ADAM10: variants seen among roughly 807,000 people sequenced by gnomAD.
ADAM10 encodes the protein ADAM metallopeptidase domain 10, also known as disintegrin and metalloproteinase domain-containing protein 10.
ADAM10 carries 17 observed loss-of-function variants against 90.1 expected under a neutral mutation model. That is an observed-to-expected ratio of 0.19 (90% CI 0.13 to 0.28). The LOEUF (loss-of-function observed/expected upper bound fraction) is 0.28, where lower values mean the gene tolerates loss of function less well. Ranked by LOEUF, ADAM10 falls within the 10% of genes least tolerant of loss-of-function variation. The pLI, the probability that ADAM10 is intolerant of heterozygous loss-of-function variation, is 1.00. For missense variants in ADAM10, 610 were observed against 914.3 expected (o/e 0.67, Z 4.29); for synonymous variants, 310 against 298.6 (o/e 1.04, Z -0.40).
chr15:58,709,378 C>T (rs1225073841), intron 2 of ADAM10, among the ~76,000 whole-genome samples: 1 of 152,128 alleles, frequency 6.6e-6, no homozygotes, highest in Non-Finnish European at 1.5e-5. Context: ...GGCTTTTCTA[C>T]TAGGCATATA....
At chr15:58,666,593 C>A (rs1897087331) in intron 4 of ADAM10, among the ~76,000 whole-genome samples, 1 of 151,918 alleles carries the variant, frequency 6.6e-6, no homozygotes, top group African/African-American at 2.4e-5. Context: ...GAAAAAATTA[C>A]AACTGTTCTG....
At chr15:58,694,125 A>T (rs980215893) in intron 2 of ADAM10, among the ~76,000 whole-genome samples, 1 of 152,228 alleles carries the variant, frequency 6.6e-6, no homozygotes, top group Non-Finnish European at 1.5e-5. Context: ...CACTTTGGAA[A>T]ACTGTTTAGC....
At chr15:58,702,407 C>T (rs2140792404) in intron 2 of ADAM10, among the ~76,000 whole-genome samples, 1 of 152,152 alleles carries the variant, frequency 6.6e-6, no homozygotes, top group Middle Eastern at 3.4e-3. Context: ...AGGGTGACTA[C>T]AGTTAACAAC....
At chr15:58,607,235 T>C (rs1274371944) in intron 14 of ADAM10, among the ~76,000 whole-genome samples, 2 of 152,232 alleles carry the variant, frequency 1.3e-5, no homozygotes, top group Non-Finnish European at 2.9e-5. Flanking sequence ...AAGACCCAGA[T>C]ACTTAAACCC....
At chr15:58,607,945 A>C (rs764294235) in intron 14 of ADAM10, among the ~76,000 whole-genome samples, 7 of 152,240 alleles carry the variant, frequency 4.6e-5, no homozygotes, top group Non-Finnish European at 8.8e-5. Context: ...TGCTGAAATA[A>C]GGTCTCAACA....
intron 2 of ADAM10, among the ~76,000 whole-genome samples, chr15:58,710,835 C>T (rs779261388): frequency 6.6e-6 from 1 of 152,210 alleles, no homozygotes; most frequent in African/African-American, 2.4e-5. Flanking sequence ...ATTCTTACCT[C>T]TGCTTCTCAA....
intron 2 of ADAM10, chr15:58,691,094 A>AT (rs1260370214): frequency 3.1e-6 from 2 of 654,352 alleles, no homozygotes; most frequent in Non-Finnish European, 6.0e-6. Flanking sequence ...TCCACTTCAT[A>AT]TTGGCTATCT....
intron 5 of ADAM10, among the ~76,000 whole-genome samples, chr15:58,652,892 G>T (rs1416224548): frequency 6.6e-6 from 1 of 151,860 alleles, no homozygotes; most frequent in Non-Finnish European, 1.5e-5. Flanking sequence ...TGTCTTCTTC[G>T]ATTTCTTTCA....
chr15:58,624,089 T>A (rs1895868007), intron 10 of ADAM10, among the ~76,000 whole-genome samples: 1 of 150,956 alleles, frequency 6.6e-6, no homozygotes. Context: ...ATTGAGACCA[T>A]CCTGGCCAAC....
intron 2 of ADAM10, among the ~76,000 whole-genome samples, chr15:58,682,878 A>C (rs577445553): frequency 5.3e-5 from 8 of 152,304 alleles, no homozygotes; most frequent in Admixed American, 4.6e-4. Flanking sequence ...CCGAAAGACC[A>C]GGATAATGGC....
intron 2 of ADAM10, among the ~76,000 whole-genome samples, chr15:58,700,229 T>C (rs1316640067): frequency 1.3e-5 from 2 of 152,192 alleles, no homozygotes; most frequent in East Asian, 3.8e-4. Context: ...AAACTGCACA[T>C]TGGACCAAAT....
intron 4 of ADAM10, among the ~76,000 whole-genome samples, chr15:58,669,402 A>C (rs995402116): frequency 6.6e-6 from 1 of 152,210 alleles, no homozygotes; most frequent in Non-Finnish European, 1.5e-5. Context: ...ATCAACACAT[A>C]AACAGCAGTA....
intron 6 of ADAM10, 23 bp from the exon 7 acceptor site, chr15:58,644,001 T>C (rs758978624): frequency 6.7e-7 from 1 of 1,495,132 alleles, no homozygotes; most frequent in Admixed American, 1.7e-5. Context: ...AAAAAGAACA[T>C]TTTAGAGGCA....
At chr15:58,679,726 G>A (rs1264198623) in intron 3 of ADAM10, among the ~76,000 whole-genome samples, 8 of 152,036 alleles carry the variant, frequency 5.3e-5, no homozygotes, top group Non-Finnish European at 7.4e-5. Context: ...CTAACATAGC[G>A]AAACCCTGTC....
intron 14 of ADAM10, among the ~76,000 whole-genome samples, chr15:58,606,543 T>C (rs1895279125): frequency 6.6e-6 from 1 of 152,270 alleles, no homozygotes. Context: ...AATATCATTA[T>C]ATCTTTGTTG....
chr15:58,727,528 C>T (rs533123168), intron 1 of ADAM10, among the ~76,000 whole-genome samples: 57 of 152,114 alleles, frequency 3.7e-4, no homozygotes, highest in African/African-American at 1.3e-3. Flanking sequence ...AATGGGGACT[C>T]GCTATGTTGT....
At chr15:58,710,058 G>A (rs1405208151) in intron 2 of ADAM10, among the ~76,000 whole-genome samples, 2 of 151,994 alleles carry the variant, frequency 1.3e-5, no homozygotes, top group Non-Finnish European at 2.9e-5. Context: ...CAAGGCAGGC[G>A]GATCATGTTA....
intron 2 of ADAM10, among the ~76,000 whole-genome samples, chr15:58,706,830 G>T (rs1380358817): frequency 6.6e-6 from 1 of 151,978 alleles, no homozygotes. Flanking sequence ...CCAACATGGG[G>T]AAACCCCACC....
chr15:58,704,350 T>A (rs1898220241), intron 2 of ADAM10, among the ~76,000 whole-genome samples: 1 of 152,104 alleles, frequency 6.6e-6, no homozygotes, highest in African/African-American at 2.4e-5. Context: ...GTACATACTT[T>A]CTGTTTGTGA....
Sources: gnomAD v4.1 joint callset for allele counts (sites outside exome capture counted in the v4.1 genomes callset) on GRCh38, gnomAD v4.1.1 for gene constraint, MANE v1.5 for transcripts, NCBI Gene and HGNC (gene_info 2026-07-23, HGNC 2026-07-21) for gene names.